WWOX: variants seen among roughly 807,000 people sequenced by gnomAD.
The protein encoded by WWOX is WW domain containing oxidoreductase, also known as WW domain-containing oxidoreductase.
Under a neutral mutation model 46.2 loss-of-function variants are expected in WWOX, and 69 were observed. The ratio of observed to expected loss-of-function variants is 1.49; its 90% CI spans 1.23 to 1.82. WWOX has a LOEUF of 1.82. Among genes scored for constraint, WWOX ranks in the 40% most tolerant of loss-of-function variants. The pLI, the probability that WWOX is intolerant of heterozygous loss-of-function variation, is 0.00. For synonymous variants in WWOX, 359 were observed against 202.6 expected (o/e 1.77, Z -6.56); for missense variants, 919 against 542.6 (o/e 1.69, Z -6.89).
intron 8 of WWOX, among the ~76,000 whole-genome samples, chr16:78,477,107 A>G (rs532839093): frequency 2.6e-5 from 4 of 152,346 alleles, no homozygotes; most frequent in South Asian, 2.1e-4. Context: ...CTTGAAAGCA[A>G]TATCTAAGCA....
intron 8 of WWOX, among the ~76,000 whole-genome samples, chr16:78,615,903 A>G (rs1275478084): frequency 1.3e-5 from 2 of 151,856 alleles, no homozygotes; most frequent in Non-Finnish European, 2.9e-5. Flanking sequence ...GGCGCCCGCC[A>G]CCACACTCAG....
intron 8 of WWOX, among the ~76,000 whole-genome samples, chr16:78,750,579 C>T (rs1454241358): frequency 4.0e-5 from 6 of 151,842 alleles, no homozygotes; most frequent in Admixed American, 6.6e-5. Context: ...TCAATTGAAC[C>T]CATCACCCAA....
At chr16:78,368,935 C>G (rs973364242) in intron 5 of WWOX, among the ~76,000 whole-genome samples, 2 of 152,180 alleles carry the variant, frequency 1.3e-5, no homozygotes, top group Admixed American at 6.5e-5. Context: ...GTCAGTTGCT[C>G]TCTACTGCTC....
At chr16:78,522,671 G>A (rs564310397) in intron 8 of WWOX, among the ~76,000 whole-genome samples, 1 of 152,364 alleles carries the variant, frequency 6.6e-6, no homozygotes, top group South Asian at 2.1e-4. Flanking sequence ...TTGAGCAGAT[G>A]AGATGCTCTT....
intron 8 of WWOX, among the ~76,000 whole-genome samples, chr16:78,710,498 A>ATATATATATATATATATATATATATTTT (rs941311575): frequency 2.1e-4 from 28 of 132,792 alleles, no homozygotes; most frequent in African/African-American, 8.0e-4. Context: ...ATATATATAT[A>ATATATATATATATATATATATATATTTT]TTTATATAAA....
At chr16:78,953,071 A>G (rs2046094832) in intron 8 of WWOX, among the ~76,000 whole-genome samples, 1 of 151,762 alleles carries the variant, frequency 6.6e-6, no homozygotes, top group African/African-American at 2.4e-5. Flanking sequence ...GTGGTGGACA[A>G]TCTGACCATA....
intron 5 of WWOX, among the ~76,000 whole-genome samples, chr16:78,294,502 A>G (rs1208403946): frequency 6.6e-6 from 1 of 152,138 alleles, no homozygotes; most frequent in South Asian, 2.1e-4. Flanking sequence ...CAACAAAACA[A>G]TTTCCCTAGT....
chr16:79,153,467 T>C (rs2150736151), intron 8 of WWOX, among the ~76,000 whole-genome samples: 1 of 152,296 alleles, frequency 6.6e-6, no homozygotes, highest in South Asian at 2.1e-4. Context: ...TTGGTTTACA[T>C]CGGGAATGCC....
chr16:78,878,028 G>A (rs1233601569), intron 8 of WWOX, among the ~76,000 whole-genome samples: 3 of 152,122 alleles, frequency 2.0e-5, no homozygotes, highest in African/African-American at 7.2e-5. Context: ...TTCTCTTTGC[G>A]TCACCAGAGA....
In WWOX at chr16:78,930,305, G is replaced by T. The variant is rs183512292; in HGVS notation, c.1057-281303G>T. Among the ~76,000 whole-genome samples the T allele has an allele frequency of 5.8e-3, 541 of 93,756 alleles. 5 individuals are homozygous for T. Among genetic ancestry groups the T allele is most frequent in the African/African-American group, 0.022 (521 of 23,180 alleles). 61.5% of individuals were successfully genotyped at this position (93,756 alleles called of 152,430 possible). ...TTTTTTTATTTTTTTTTTCAGACAG[G>T]GTCTCCTCCACACCCAGACTGGAGT... On this transcript the variant is annotated intron_variant, in intron 8 of 8. Transcript: ENST00000566780.
chr16:78,629,440 G>A (rs1012495324), intron 8 of WWOX, among the ~76,000 whole-genome samples: 2 of 152,098 alleles, frequency 1.3e-5, no homozygotes, highest in Non-Finnish European at 2.9e-5. Context: ...CCCTTCTTCA[G>A]GCAGAAGCTG....
rs188074040 is a variant in WWOX, at chr16:79,050,827, G to A, written c.1057-160781G>A. Among the ~76,000 whole-genome samples the A allele has an allele frequency of 2.9e-3, 443 of 152,298 alleles. 2 individuals carry two copies. Among genetic ancestry groups the A allele is most frequent in the African/African-American group, 9.7e-3 (403 of 41,564 alleles). On this transcript the variant is annotated intron_variant, in intron 8 of 8. Coordinates refer to ENST00000566780, the MANE Select transcript of WWOX (RefSeq NM_016373.4). ...TTCTCTTCTGCCGCCTTTAGGAAAC[G>A]AGATGAATTGTTAAACTTCTTGCAC...
chr16:78,312,967 G>C (rs942691527), intron 5 of WWOX, among the ~76,000 whole-genome samples: 2 of 152,212 alleles, frequency 1.3e-5, no homozygotes, highest in African/African-American at 4.8e-5. Context: ...GTGTACAGGA[G>C]GGTTAAGTAG....
chr16:79,109,501 C>A (rs545397618), intron 8 of WWOX, among the ~76,000 whole-genome samples: 1 of 152,188 alleles, frequency 6.6e-6, no homozygotes, highest in Admixed American at 6.5e-5. Flanking sequence ...TGTTGTTAAT[C>A]CTCCGGGCTA....
At position 78,764,707 on chromosome 16, in the gene WWOX, G is replaced by T. The variant is rs532733463; in HGVS notation, c.1056+331955G>T. On this transcript the variant is annotated intron_variant, in intron 8 of 8. Transcript: ENST00000566780. ...CTCAGTTTCCTCATCTGCAAAATGG[G>T]TGCAATTCTAGTACCTCCTTCCTAA... Among the ~76,000 whole-genome samples the T allele has an allele frequency of 3.3e-5, 5 of 150,596 alleles. No individual in the cohort carries two copies. The East Asian group carries it at 1.0e-3, about 30-fold the overall frequency.
chr16:78,228,547 G>T (rs2037146193), intron 5 of WWOX, among the ~76,000 whole-genome samples: 1 of 152,038 alleles, frequency 6.6e-6, no homozygotes, highest in Non-Finnish European at 1.5e-5. Flanking sequence ...TCACCACATT[G>T]CCCAGGCAGG....
intron 8 of WWOX, among the ~76,000 whole-genome samples, chr16:78,634,423 G>T (rs1454963945): frequency 6.6e-6 from 1 of 152,036 alleles, no homozygotes; most frequent in Non-Finnish European, 1.5e-5. Flanking sequence ...AAGTTGTAGG[G>T]ACAGCCGGGC....
intron 6 of WWOX, among the ~76,000 whole-genome samples, chr16:78,406,242 G>C (rs911610514): frequency 7.1e-6 from 1 of 140,798 alleles, no homozygotes. Context: ...AGGACTATTT[G>C]TGAAATTGAT....
chr16:78,651,605 G>C (rs1301119512), intron 8 of WWOX, among the ~76,000 whole-genome samples: 1 of 152,140 alleles, frequency 6.6e-6, no homozygotes, highest in Non-Finnish European at 1.5e-5. Flanking sequence ...TTTTTGCCTA[G>C]AACCTCAGTG....
Sources: allele counts gnomAD v4.1 joint callset (sites outside exome capture counted in the v4.1 genomes callset), GRCh38; gene constraint gnomAD v4.1.1; transcripts MANE v1.5; gene names NCBI Gene and HGNC (gene_info 2026-07-23, HGNC 2026-07-21).